CALHM3: variants seen among roughly 807,000 people sequenced by gnomAD.
CALHM3 encodes calcium homeostasis modulator 3, also known as calcium homeostasis modulator protein 3.
Under a neutral mutation model 13.6 loss-of-function variants are expected in CALHM3, and 9 were observed. The ratio of observed to expected loss-of-function variants is 0.66; its 90% CI spans 0.40 to 1.15. The LOEUF is 1.15. Ranked by LOEUF, CALHM3 falls within the 50% of genes most tolerant of loss-of-function variation. The pLI, the probability that CALHM3 is intolerant of heterozygous loss-of-function variation, is 0.01. For synonymous variants in CALHM3, 231 were observed against 213.2 expected, an observed-to-expected ratio of 1.08 and a Z score of -0.73; for missense variants, 497 against 463.4, an observed-to-expected ratio of 1.07 and a Z score of -0.67.
rs2033340345 is a variant in CALHM3 at position 103,473,100 on chromosome 10, T to C, written c.*113A>G. The C allele has an allele frequency of 3.5e-6, 4 of 1,148,120 alleles. No homozygotes were observed. The South Asian group carries it at 1.6e-4, about 45-fold the overall frequency. The allele number at this position is 1,148,120 out of a possible 1,614,324, so 71.1% of individuals were successfully genotyped here. On this transcript the variant is annotated 3_prime_UTR_variant, in exon 3 of 3. Transcript: ENST00000369783. ...GATTGGGCTACTTTAAAAAGGAGGC[T>C]AACAAGACTTAGGGTGCCTGCCGTG...
intron 1 of CALHM3, among the ~76,000 whole-genome samples, chr10:103,478,138 CTG>C (rs2033411623): frequency 1.3e-5 from 2 of 152,202 alleles, no homozygotes; most frequent in Non-Finnish European, 2.9e-5. Flanking sequence ...GAAAGGAACA[CTG>C]TATAGAGAGG....
chr10:103,475,610 T>G (rs1263244122), intron 2 of CALHM3, among the ~76,000 whole-genome samples: 1 of 152,192 alleles, frequency 6.6e-6, no homozygotes, highest in Non-Finnish European at 1.5e-5. Context: ...ACCTGGGTCC[T>G]CCCTCCACCG....
intron 2 of CALHM3, among the ~76,000 whole-genome samples, chr10:103,474,543 C>T (rs1306506194): frequency 6.6e-6 from 1 of 152,214 alleles, no homozygotes; most frequent in Admixed American, 6.5e-5. Flanking sequence ...GAACCTCCCC[C>T]TCCTGGGTTC....
At chr10:103,478,431 C>T (rs935922078) in intron 1 of CALHM3, among the ~76,000 whole-genome samples, 3 of 152,182 alleles carry the variant, frequency 2.0e-5, no homozygotes, top group Non-Finnish European at 2.9e-5. Context: ...GAAGTTTTCC[C>T]GCAGCCCCTA....
chr10:103,478,901 C>G lies in CALHM3; in HGVS notation c.132G>C (p.Leu44=). 3 of 1,551,752 alleles carry G rather than the reference C, an allele frequency of 1.9e-6. No homozygotes were observed. Among genetic ancestry groups the G allele is most frequent in the Non-Finnish European group, 2.6e-6 (3 of 1,147,012 alleles). Residue 44 remains leucine, a synonymous_variant, in exon 1 of 3, where the codon CTG becomes CTC. Coordinates refer to ENST00000369783, the MANE Select transcript of CALHM3 (RefSeq NM_001129742.2). ...GGCCGTAGAGTGCATTGTAGTGCAC[C>G]AGGCAGGGACAGTTGAAGTCAAAGG... ...YSSFDFNCPC[L]VHYNALYGLG... is the part of the protein sequence containing the mutation.
rs1471616849 is a variant in CALHM3 at position 103,476,524 on chromosome 10, T to C, written c.313A>G (p.Arg105Gly). 6.4e-7 allele frequency: 1 copy of C among 1,551,512 alleles called. No individual in the cohort carries two copies. Among genetic ancestry groups the C allele is most frequent in the South Asian group, 1.2e-5 (1 of 84,060 alleles). ...CAGACCAGGGGGGCGGCCAGCGCCC[T>C]CTGCAGCACAGAGGAGCACATGTAC... Reference protein sequence around the residue: ...IRYMCSSVLQRALAAPLVWIL... With the variant: ...IRYMCSSVLQGALAAPLVWIL... The change falls in exon 2 of 3, where the codon AGG becomes GGG. Residue 105 changes from arginine (R) to glycine (G), a missense_variant. Arg to Gly is a moderately radical substitution (Grantham distance 125). Coordinates refer to ENST00000369783, the MANE Select transcript of CALHM3 (RefSeq NM_001129742.2).
Position 103,473,390 on chromosome 10 carries a change from CT to C in CALHM3, c.857del (p.Lys286ArgfsTer17). ...GGCTGGAGATTGCGCGCAGGTGGGC[CT>C]TCCCACTTCCACTATCCAGGCCTTC... The part of the protein sequence containing the change: ...PPEGLDSGSG[K>X]AHLRAISSRE... On this transcript the variant is annotated frameshift_variant, in exon 3 of 3. Coordinates refer to ENST00000369783, the MANE Select transcript of CALHM3 (RefSeq NM_001129742.2). LOFTEE classifies it low-confidence loss of function (END_TRUNC). 6.7e-7 allele frequency: 1 copy of C among 1,498,882 alleles called. No homozygotes were observed. Among genetic ancestry groups the C allele is most frequent in the South Asian group, 1.3e-5 (1 of 75,856 alleles). 92.8% of individuals were successfully genotyped at this position (1,498,882 alleles called of 1,614,324 possible). A position where few individuals can be genotyped will look rare whatever the true frequency, so the allele number is the denominator to read the frequency against.
intron 2 of CALHM3, among the ~76,000 whole-genome samples, chr10:103,474,531 T>C (rs1257353010): frequency 6.6e-6 from 1 of 152,190 alleles, no homozygotes; most frequent in Non-Finnish European, 1.5e-5. Context: ...TTCAGCTCAC[T>C]GGAACCTCCC....
In CALHM3 at chr10:103,473,338, T is replaced by G. The variant is rs2033344809; in HGVS notation, c.910A>C (p.Thr304Pro). The change falls in exon 3 of 3, where the codon ACG (threonine) becomes CCG (proline). Residue 304 changes from threonine (T) to proline (P), a missense_variant. Thr to Pro is a conservative substitution (Grantham distance 38). Coordinates refer to ENST00000369783, the MANE Select transcript of CALHM3 (RefSeq NM_001129742.2). Reference protein sequence around the residue: ...SREQVDRLLSTWYSSKPPLDL... With the variant: ...SREQVDRLLSPWYSSKPPLDL... ...AGCGGCGGCTTGCTGGAGTACCACG[T>G]GCTTAGGAGGCGGTCCACCTGCTCC... 2.0e-6 allele frequency: 3 copies of G among 1,505,234 alleles called. No homozygotes were observed. Among genetic ancestry groups the G allele is most frequent in the African/African-American group, 1.4e-5 (1 of 71,598 alleles). The allele number at this position is 1,505,234 out of a possible 1,614,324, so 93.2% of individuals were successfully genotyped here.
chr10:103,473,089 A>G lies in CALHM3; in HGVS notation c.*124T>C. ...AACTAGGCAGAGATTGGGCTACTTTAAAAAGGAGGCTAACAAGACTTAGGG... is the reference window on the plus strand; with the variant it reads ...AACTAGGCAGAGATTGGGCTACTTTGAAAAGGAGGCTAACAAGACTTAGGG... On this transcript the variant is annotated 3_prime_UTR_variant, in exon 3 of 3. Coordinates refer to ENST00000369783, the MANE Select transcript of CALHM3 (RefSeq NM_001129742.2). The G allele has an allele frequency of 9.4e-7, 1 of 1,066,634 alleles. No homozygotes were observed. The highest frequency in any genetic ancestry group is 3.2e-5 in the East Asian group (1 of 31,056). The allele number at this position is 1,066,634 out of a possible 1,614,324, so 66.1% of individuals were successfully genotyped here. A position where few individuals can be genotyped will look rare whatever the true frequency, so the allele number is the denominator to read the frequency against.
intron 1 of CALHM3, among the ~76,000 whole-genome samples, chr10:103,477,065 G>T (rs928445601): frequency 6.6e-5 from 10 of 152,272 alleles, no homozygotes; most frequent in South Asian, 2.1e-4. Flanking sequence ...GCCCTTAGGG[G>T]GTCCCCTGAA....
Position 103,473,507 on chromosome 10 carries a change from A to G in CALHM3, c.741T>C (p.Phe247=), listed in dbSNP as rs570824874. 79 of 1,550,934 alleles carry G rather than the reference A, an allele frequency of 5.1e-5. No homozygotes were observed. Among genetic ancestry groups the G allele is most frequent in the Non-Finnish European group, 6.5e-5 (75 of 1,146,914 alleles). Residue 247 remains phenylalanine (F), a synonymous_variant, in exon 3 of 3, where the codon TTT becomes TTC. Transcript: ENST00000369783. The part of the protein sequence containing the change: ...DFAHRCVLHF[F]ASMRSELQAR... ...CCTGCAGCTCACTCCGCATGCTGGCAAAGAAGTGCAGCACGCAGCGGTGCG... is the reference window on the plus strand; with the variant it reads ...CCTGCAGCTCACTCCGCATGCTGGCGAAGAAGTGCAGCACGCAGCGGTGCG...
Position 103,473,185 on chromosome 10 carries a change from C to T in CALHM3, c.*28G>A. ...GTCAGCGCGGCATTTCACCTGCGAA[C>T]ACTGCCGCTTCAAGCCTGGCCAGGA... On this transcript the variant is annotated 3_prime_UTR_variant, in exon 3 of 3. Coordinates refer to ENST00000369783, the MANE Select transcript of CALHM3 (RefSeq NM_001129742.2). The T allele has an allele frequency of 1.5e-6, 2 of 1,323,572 alleles. No homozygotes were observed. The highest frequency in any genetic ancestry group is 1.9e-6 in the Non-Finnish European group (2 of 1,032,450). The allele number at this position is 1,323,572 out of a possible 1,614,324, so 82.0% of individuals were successfully genotyped here. A position where few individuals can be genotyped will look rare whatever the true frequency, so the allele number is the denominator to read the frequency against.
intron 2 of CALHM3, among the ~76,000 whole-genome samples, chr10:103,474,282 T>C (rs11191701): frequency 0.053 from 8,079 of 152,134 alleles, 710 homozygotes; most frequent in African/African-American, 0.18. Flanking sequence ...TACTGTAAAT[T>C]CGTCATCTTC....
intron 1 of CALHM3, 44 bp downstream of exon 1, chr10:103,478,702 C>G: frequency 6.8e-7 from 1 of 1,467,510 alleles, no homozygotes; most frequent in Non-Finnish European, 9.1e-7. Flanking sequence ...GGCTGGGGAG[C>G]CCCTGGCAAA....
Position 103,473,316 on chromosome 10 carries a change from G to A in CALHM3, c.932C>T (p.Pro311Leu), listed in dbSNP as rs942637677. Residue 311 changes from proline (P) to leucine (L), a missense_variant, in exon 3 of 3, where the codon CCG (proline) becomes CTG (leucine). Physicochemically the swap from Pro to Leu is moderately conservative, Grantham distance 98. Transcript: ENST00000369783. ...LLSTWYSSKPPLDLAASPGLC... is the reference protein window; with the variant it reads ...LLSTWYSSKPLLDLAASPGLC... ...CCCGGGGGATGCAGCCAGGTCCAGC[G>A]GCGGCTTGCTGGAGTACCACGTGCT... The A allele has an allele frequency of 2.7e-6, 4 of 1,495,380 alleles. No homozygotes were observed. The highest frequency in any genetic ancestry group is 2.5e-5 in the East Asian group (1 of 40,212). The allele number at this position is 1,495,380 out of a possible 1,614,324, so 92.6% of individuals were successfully genotyped here. A position where few individuals can be genotyped will look rare whatever the true frequency, so the allele number is the denominator to read the frequency against.
chr10:103,473,606 T>C lies in CALHM3; in HGVS notation c.642A>G (p.Arg214=). 6.4e-7 allele frequency: 1 copy of C among 1,551,358 alleles called. No individual in the cohort carries two copies. Among genetic ancestry groups the C allele is most frequent in the African/African-American group, 1.4e-5 (1 of 73,178 alleles). Residue 214 remains arginine, a synonymous_variant, in exon 3 of 3, where the codon AGA becomes AGG. Coordinates refer to ENST00000369783, the MANE Select transcript of CALHM3 (RefSeq NM_001129742.2). The stretch of plus-strand genomic sequence containing the variant: ...CCAGGTCCACGTAGTTGCTCCAGTA[T>C]CTGCGCTGCAGGAAGACTGTCTGGT... The part of the protein sequence containing the change: ...CFDQTVFLQR[R]YWSNYVDLEQ...
intron 2 of CALHM3, among the ~76,000 whole-genome samples, chr10:103,474,156 C>T (rs2033362146): frequency 6.6e-6 from 1 of 152,200 alleles, no homozygotes. Context: ...GTCATCCGTC[C>T]TGCCAACCAT....
In CALHM3 at chr10:103,473,282, C is replaced by T. The variant is rs1419038575; in HGVS notation, c.966G>A (p.Gly322=). Residue 322 remains glycine, a synonymous_variant, in exon 3 of 3, where the codon GGG becomes GGA. Transcript: ENST00000369783. Reference sequence around the variant, plus strand: ...TAGGGGCGCGGTGGCTAAGGCCACCCCCGCAGAGCCCGGGGGATGCAGCCA... The same window carrying T: ...TAGGGGCGCGGTGGCTAAGGCCACCTCCGCAGAGCCCGGGGGATGCAGCCA... ...LDLAASPGLC[G]GGLSHRAPTL... is the part of the protein sequence containing the mutation. The T allele has an allele frequency of 1.4e-6, 2 of 1,464,452 alleles. No homozygotes were observed. Among genetic ancestry groups the T allele is most frequent in the Non-Finnish European group, 1.8e-6 (2 of 1,105,268 alleles). The allele number at this position is 1,464,452 out of a possible 1,614,324, so 90.7% of individuals were successfully genotyped here.
Sources: gnomAD v4.1 joint callset for allele counts (sites outside exome capture counted in the v4.1 genomes callset) on GRCh38, gnomAD v4.1.1 for gene constraint, MANE v1.5 for transcripts, NCBI Gene and HGNC (gene_info 2026-07-23, HGNC 2026-07-21) for gene names.